PPHLN1: variants seen among roughly 807,000 people sequenced by gnomAD.
The protein encoded by PPHLN1 is periphilin-1.
In PPHLN1, 29 loss-of-function variants were observed where a neutral mutation model predicts 51.3. The observed-to-expected ratio is 0.57, with a 90% CI of 0.42 to 0.77. The LOEUF is 0.77. Ranked by LOEUF, PPHLN1 falls within the 30% of genes least tolerant of loss-of-function variation. PPHLN1 has a pLI of 0.00. For missense variants in PPHLN1, 436 were observed against 438.4 expected, an observed-to-expected ratio of 0.99 and a Z score of 0.05; for synonymous variants, 147 against 147.8, an observed-to-expected ratio of 0.99 and a Z score of 0.04.
intron 2 of PPHLN1, among the ~76,000 whole-genome samples, chr12:42,340,927 T>C (rs1414175804): frequency 6.6e-6 from 1 of 152,056 alleles, no homozygotes; most frequent in Non-Finnish European, 1.5e-5. Flanking sequence ...TGAATCCTGT[T>C]CTTTATCAAA....
At chr12:42,444,785 G>A, downstream of PPHLN1, 1 of 447,814 alleles carries the variant, frequency 2.2e-6, no homozygotes, top group Non-Finnish European at 4.0e-6. Flanking sequence ...AACTACTTCA[G>A]TTCTTATCTA....
rs2079953758 is a variant in PPHLN1, at chr12:42,412,414, G to T, written c.909+13420G>T. ...CAGCTCTATCAGAATTGCTCCAAAA[G>T]ATATTATTTCATTTTTTTTTTTTAC... On this transcript the variant is annotated intron_variant, in intron 9 of 9. Coordinates refer to ENST00000358314, the MANE Select transcript of PPHLN1 (RefSeq NM_201439.2). 2.7e-5 allele frequency among the ~76,000 whole-genome samples: 4 copies of T among 147,786 alleles called. No homozygotes were observed. The South Asian group carries it at 8.7e-4, about 32-fold the overall frequency.
chr12:42,402,585 C>T (rs923533366), intron 9 of PPHLN1, among the ~76,000 whole-genome samples: 1 of 152,116 alleles, frequency 6.6e-6, no homozygotes, highest in Non-Finnish European at 1.5e-5. Flanking sequence ...TGATCTAAAT[C>T]ATACTGAAAA....
intron 4 of PPHLN1, chr12:42,355,441 T>C (rs1390602110): frequency 2.1e-5 from 9 of 438,328 alleles, no homozygotes; most frequent in Non-Finnish European, 3.7e-5. Flanking sequence ...TAAAAAAATA[T>C]TTAAAAATAT....
chr12:42,349,975 G>A lies in PPHLN1; in HGVS notation c.73-1910G>A, dbSNP rs527876359. On this transcript the variant is annotated intron_variant, in intron 2 of 9. Coordinates refer to ENST00000358314, the MANE Select transcript of PPHLN1 (RefSeq NM_201439.2). ...CAGAGGGGCTCCTCACTTCCCAGAC[G>A]TGGTGGCGGGGCAGAGGGGGCCCTC... Among the ~76,000 whole-genome samples, 754 of 151,292 alleles carry A rather than the reference G, an allele frequency of 5.0e-3. 3 individuals carry two copies. The highest frequency in any genetic ancestry group is 0.017 in the African/African-American group (718 of 41,190).
At chr12:42,356,957 A>G (rs113568047) in intron 4 of PPHLN1, among the ~76,000 whole-genome samples, 4 of 152,364 alleles carry the variant, frequency 2.6e-5, no homozygotes, top group Non-Finnish European at 4.4e-5. Flanking sequence ...AAGAACTATT[A>G]TGAAATTAGC....
At chr12:42,445,315 G>A (rs2083252301), downstream of PPHLN1, 3 of 568,374 alleles carry the variant, frequency 5.3e-6, no homozygotes, top group Non-Finnish European at 9.4e-6. Context: ...CTTACCCAGA[G>A]ACTAGCTAAA....
At chr12:42,354,123 AGT>A (rs896786121) in intron 3 of PPHLN1, among the ~76,000 whole-genome samples, 29 of 152,186 alleles carry the variant, frequency 1.9e-4, no homozygotes, top group African/African-American at 6.3e-4. Context: ...ATAAGAATAG[AGT>A]GTGTGATGCT....
At chr12:42,379,794 T>TA (rs761854429) in intron 5 of PPHLN1, among the ~76,000 whole-genome samples, 7 of 152,176 alleles carry the variant, frequency 4.6e-5, no homozygotes, top group Admixed American at 2.0e-4. Flanking sequence ...AAATCTCATT[T>TA]AGTGATTCTG....
chr12:42,366,537 T>C (rs921045806), intron 4 of PPHLN1, among the ~76,000 whole-genome samples: 2 of 150,794 alleles, frequency 1.3e-5, no homozygotes, highest in Non-Finnish European at 3.0e-5. Context: ...TCTTGTTTTT[T>C]TTTGTTTTTG....
downstream of PPHLN1, chr12:42,445,018 ACT>A (rs1282002962): frequency 1.4e-6 from 1 of 701,060 alleles, no homozygotes; most frequent in African/African-American, 1.8e-5. Context: ...ATTGTTAGTG[ACT>A]CTGCTTACTC....
At chr12:42,410,716 T>G (rs994276086) in intron 9 of PPHLN1, among the ~76,000 whole-genome samples, 1 of 152,224 alleles carries the variant, frequency 6.6e-6, no homozygotes, top group Non-Finnish European at 1.5e-5. Flanking sequence ...CAAAACTGTT[T>G]CATTCATTTG....
intron 2 of PPHLN1, among the ~76,000 whole-genome samples, chr12:42,348,672 C>T (rs1367531864): frequency 1.3e-5 from 2 of 152,066 alleles, no homozygotes; most frequent in Admixed American, 6.5e-5. Context: ...TCCAAATAAT[C>T]GTATACAAAC....
intron 1 of PPHLN1, among the ~76,000 whole-genome samples, chr12:42,331,215 A>C (rs751184835): frequency 4.1e-4 from 62 of 152,382 alleles, no homozygotes; most frequent in Admixed American, 3.0e-3. Context: ...AGTTGTTGAA[A>C]GAATATAAAA....
At chr12:42,395,489 TTC>T (rs2078118353) in intron 8 of PPHLN1, among the ~76,000 whole-genome samples, 3 of 152,188 alleles carry the variant, frequency 2.0e-5, no homozygotes, top group Admixed American at 2.0e-4. Flanking sequence ...ATTAATATTT[TTC>T]TCTTATTAAT....
At chr12:42,357,213 G>A (rs756618601) in intron 4 of PPHLN1, among the ~76,000 whole-genome samples, 3 of 152,102 alleles carry the variant, frequency 2.0e-5, no homozygotes, top group Non-Finnish European at 2.9e-5. Flanking sequence ...AATTAAGGTG[G>A]TAATTCAATT....
chr12:42,393,476 A>G (rs1292714534), intron 7 of PPHLN1, 94 bp from the exon 8 acceptor site: 26 of 1,245,408 alleles, frequency 2.1e-5, no homozygotes, highest in Non-Finnish European at 2.8e-5. Context: ...TTGGAGGCTT[A>G]TATGATTTTA....
chr12:42,434,251 G>A (rs2082289740), intron 9 of PPHLN1, among the ~76,000 whole-genome samples: 1 of 152,190 alleles, frequency 6.6e-6, no homozygotes, highest in African/African-American at 2.4e-5. Flanking sequence ...ATGGACACAA[G>A]CGGGGGAACA....
intron 9 of PPHLN1, among the ~76,000 whole-genome samples, chr12:42,414,990 C>G (rs2080240765): frequency 6.6e-6 from 1 of 152,096 alleles, no homozygotes; most frequent in African/African-American, 2.4e-5. Flanking sequence ...CAGCTGTTGT[C>G]TCTGCTGACT....
Sources: allele counts gnomAD v4.1 joint callset (sites outside exome capture counted in the v4.1 genomes callset), GRCh38; gene constraint gnomAD v4.1.1; transcripts MANE v1.5; gene names NCBI Gene and HGNC (gene_info 2026-07-23, HGNC 2026-07-21).